Variants in AKAP6 observed in about 807,000 individuals in gnomAD.
AKAP6 encodes the protein A-kinase anchor protein 6.
Under a neutral mutation model 188.5 loss-of-function variants are expected in AKAP6, and 58 were observed. The ratio of observed to expected loss-of-function variants is 0.31; its 90% CI spans 0.25 to 0.38. The LOEUF (loss-of-function observed/expected upper bound fraction) is 0.38, where lower values mean the gene tolerates loss of function less well. Among genes scored for constraint, AKAP6 ranks in the 10% least tolerant of loss-of-function variants. AKAP6 has a pLI of 1.00. For synonymous variants in AKAP6, 989 were observed against 998.6 expected, an observed-to-expected ratio of 0.99 and a Z score of 0.18; for missense variants, 2,710 against 2,740.0, an observed-to-expected ratio of 0.99 and a Z score of 0.24.
intron 1 of AKAP6, among the ~76,000 whole-genome samples, chr14:32,369,954 C>T (rs1262379322): frequency 6.6e-6 from 1 of 152,126 alleles, no homozygotes; most frequent in African/African-American, 2.4e-5. Context: ...TTGCTTGACC[C>T]CAGGAGGTGG....
At position 32,609,130 on chromosome 14, in the gene AKAP6, C is replaced by T. The variant is rs74041641; in HGVS notation, c.2730+8338C>T. Among the ~76,000 whole-genome samples, 1,490 of 152,184 alleles carry T rather than the reference C, an allele frequency of 9.8e-3. 30 individuals are homozygous for T. Among genetic ancestry groups the T allele is most frequent in the African/African-American group, 0.034 (1,416 of 41,520 alleles). On this transcript the variant is annotated intron_variant, in intron 7 of 13. Coordinates refer to ENST00000280979, the MANE Select transcript of AKAP6 (RefSeq NM_004274.5). The stretch of plus-strand genomic sequence containing the variant: ...TTTGGGTTTATTGAGTCATCTAGGC[C>T]TTCTTATTAAATGGCAGCTTTCAAA...
intron 5 of AKAP6, among the ~76,000 whole-genome samples, chr14:32,580,225 C>A (rs1416208536): frequency 6.6e-6 from 1 of 152,012 alleles, no homozygotes; most frequent in Non-Finnish European, 1.5e-5. Flanking sequence ...TGTGAAATTG[C>A]AATGATACAT....
intron 5 of AKAP6, among the ~76,000 whole-genome samples, chr14:32,590,944 G>A (rs1011326092): frequency 6.6e-6 from 1 of 152,096 alleles, no homozygotes; most frequent in Non-Finnish European, 1.5e-5. Flanking sequence ...GAAACATGTG[G>A]GAGTTGGAAT....
intron 2 of AKAP6, chr14:32,442,500 A>T (rs542261826): frequency 6.6e-6 from 1 of 152,314 alleles, no homozygotes; most frequent in Admixed American, 6.5e-5. Flanking sequence ...GCAGAAGACC[A>T]TCTGGTTGCC....
intron 12 of AKAP6, among the ~76,000 whole-genome samples, chr14:32,785,370 G>T (rs1241039824): frequency 6.6e-6 from 1 of 152,112 alleles, no homozygotes; most frequent in South Asian, 2.1e-4. Flanking sequence ...TTTGAATTGA[G>T]AAAGTTTGAA....
chr14:32,546,400 G>A lies in AKAP6; in HGVS notation c.1747G>A (p.Glu583Lys). The A allele has an allele frequency of 1.2e-6, 2 of 1,614,190 alleles. No homozygotes were observed. Among genetic ancestry groups the A allele is most frequent in the Non-Finnish European group, 8.5e-7 (1 of 1,180,032 alleles). Residue 583 changes from glutamate (E) to lysine (K), a missense_variant, in exon 4 of 14, where the codon GAA becomes AAA. Transcript: ENST00000280979. ...TTCACCAGCTTTTACTCAGAGCAGT[G>A]AATCCTCTGTTGGCTCAGACAACAT... ...SSSPAFTQSS[E>K]SSVGSDNIMS... is the part of the protein sequence containing the mutation.
chr14:32,659,069 C>T (rs1261603251), intron 7 of AKAP6, among the ~76,000 whole-genome samples: 1 of 152,048 alleles, frequency 6.6e-6, no homozygotes, highest in Non-Finnish European at 1.5e-5. Context: ...AAGTTGAAGA[C>T]ACTCTTTAAA....
At chr14:32,716,509 A>G (rs923310587) in intron 9 of AKAP6, among the ~76,000 whole-genome samples, 1 of 150,446 alleles carries the variant, frequency 6.6e-6, no homozygotes, top group Non-Finnish European at 1.5e-5. Flanking sequence ...GCTATAGTAT[A>G]CACTATGTAT....
At chr14:32,576,872 C>G (rs115024413) in intron 4 of AKAP6, among the ~76,000 whole-genome samples, 1,895 of 152,158 alleles carry the variant, frequency 0.012, 50 homozygotes, top group African/African-American at 0.043. Flanking sequence ...ATCCAAATTC[C>G]TCAGAAAAGT....
chr14:32,791,575 G>T (rs1370592909), intron 12 of AKAP6, among the ~76,000 whole-genome samples: 1 of 152,124 alleles, frequency 6.6e-6, no homozygotes, highest in Non-Finnish European at 1.5e-5. Context: ...TAGGTTGCCT[G>T]TTCACTCTGG....
intron 2 of AKAP6, among the ~76,000 whole-genome samples, chr14:32,438,287 G>T (rs893758168): frequency 6.6e-6 from 1 of 152,144 alleles, no homozygotes; most frequent in Non-Finnish European, 1.5e-5. Flanking sequence ...TCTGTAAATG[G>T]TTGTGCCTGG....
At chr14:32,608,154 A>T (rs1254714919) in intron 7 of AKAP6, among the ~76,000 whole-genome samples, 2 of 152,122 alleles carry the variant, frequency 1.3e-5, no homozygotes, top group Admixed American at 1.3e-4. Context: ...AATGGTTGGG[A>T]AAATAAAAAT....
intron 11 of AKAP6, among the ~76,000 whole-genome samples, chr14:32,768,549 T>G (rs951688209): frequency 2.6e-5 from 4 of 152,256 alleles, no homozygotes; most frequent in Non-Finnish European, 4.4e-5. Flanking sequence ...ATTGATTCAC[T>G]CATTTCTTTT....
At chr14:32,395,274 G>A (rs75189303) in intron 1 of AKAP6, among the ~76,000 whole-genome samples, 3 of 152,226 alleles carry the variant, frequency 2.0e-5, no homozygotes, top group East Asian at 1.9e-4. Flanking sequence ...TAATAACTTA[G>A]AGAACCTGCT....
intron 11 of AKAP6, among the ~76,000 whole-genome samples, chr14:32,754,122 A>G (rs2032244205): frequency 6.6e-6 from 1 of 151,986 alleles, no homozygotes; most frequent in African/African-American, 2.4e-5. Context: ...TCCTACTATA[A>G]TTGTATTGCT....
In AKAP6 at chr14:32,704,861, C is replaced by G. The variant is rs117909829; in HGVS notation, c.3000+8751C>G. Among the ~76,000 whole-genome samples, 187 of 152,168 alleles carry G rather than the reference C, an allele frequency of 1.2e-3. 5 individuals carry two copies. In the East Asian group the frequency reaches 0.033, roughly 26 times the overall value. ...GTATAAGGTACATATGCTATTTGGT[C>G]TAAATAATTTGTCTTTTATCATCGT... On this transcript the variant is annotated intron_variant, in intron 9 of 13. Coordinates refer to ENST00000280979, the MANE Select transcript of AKAP6 (RefSeq NM_004274.5).
intron 3 of AKAP6, among the ~76,000 whole-genome samples, chr14:32,540,181 T>TAC (rs1882878546): frequency 7.1e-6 from 1 of 140,764 alleles, no homozygotes; most frequent in Non-Finnish European, 1.5e-5. Flanking sequence ...TATATATATA[T>TAC]ATATATATAT....
At chr14:32,685,739 A>AAG (rs1284215581) in intron 8 of AKAP6, among the ~76,000 whole-genome samples, 1 of 151,650 alleles carries the variant, frequency 6.6e-6, no homozygotes, top group East Asian at 1.9e-4. Flanking sequence ...AAAAAAAAAA[A>AAG]AAAAAGAGGT....
intron 8 of AKAP6, among the ~76,000 whole-genome samples, chr14:32,681,802 C>A (rs1889688501): frequency 6.6e-6 from 1 of 151,906 alleles, no homozygotes; most frequent in African/African-American, 2.4e-5. Flanking sequence ...CCTCAGCCTC[C>A]TGAGTCACTG....
Sources: allele counts gnomAD v4.1 joint callset (sites outside exome capture counted in the v4.1 genomes callset), GRCh38; gene constraint gnomAD v4.1.1; transcripts MANE v1.5; gene names NCBI Gene and HGNC (gene_info 2026-07-23, HGNC 2026-07-21).